Variants in KLF12 observed in about 807,000 individuals in gnomAD.
KLF12 encodes Krueppel-like factor 12.
Under a neutral mutation model 37.8 loss-of-function variants are expected in KLF12, and 9 were observed. The observed-to-expected ratio is 0.24, with a 90% CI of 0.14 to 0.42. KLF12 has a LOEUF of 0.42. KLF12 is among the 10% of genes least tolerant of loss of function. KLF12 has a pLI of 1.00. For synonymous variants in KLF12, 208 were observed against 202.1 expected (o/e 1.03, Z -0.25); for missense variants, 411 against 516.0 (o/e 0.80, Z 1.97).
chr13:73,695,785 A>G (rs1159577934), intron 7 of KLF12, 114 bp from the exon 8 acceptor site: 2 of 1,015,124 alleles, frequency 2.0e-6, no homozygotes, highest in African/African-American at 3.2e-5. Context: ...CCGTTGGTAA[A>G]TCTTTGTCGG....
At chr13:74,013,285 T>C (rs1399029629) in intron 1 of KLF12, among the ~76,000 whole-genome samples, 1 of 152,168 alleles carries the variant, frequency 6.6e-6, no homozygotes, top group East Asian at 1.9e-4. Flanking sequence ...CCCACAGCAC[T>C]TGAATTTACT....
intron 1 of KLF12, among the ~76,000 whole-genome samples, chr13:74,067,995 G>A (rs1373814956): frequency 6.6e-6 from 1 of 152,160 alleles, no homozygotes; most frequent in Non-Finnish European, 1.5e-5. Context: ...TAACCAATGA[G>A]CTCCATTCCC....
At chr13:73,780,086 G>A (rs1880864373) in intron 5 of KLF12, among the ~76,000 whole-genome samples, 1 of 152,162 alleles carries the variant, frequency 6.6e-6, no homozygotes, top group African/African-American at 2.4e-5. Flanking sequence ...GAGAACTAGA[G>A]TTAAAAGTGG....
At chr13:74,036,019 G>C (rs1354921318) in intron 1 of KLF12, among the ~76,000 whole-genome samples, 1 of 152,124 alleles carries the variant, frequency 6.6e-6, no homozygotes, top group East Asian at 1.9e-4. Flanking sequence ...CCGGTCCAGT[G>C]CACTCATTAA....
intron 2 of KLF12, among the ~76,000 whole-genome samples, chr13:73,948,562 A>G (rs1438844219): frequency 6.6e-6 from 1 of 152,218 alleles, no homozygotes; most frequent in Admixed American, 6.5e-5. Context: ...CCAACTGGTT[A>G]AAAGTAACAT....
chr13:73,818,773 T>C (rs1481981026), intron 4 of KLF12, among the ~76,000 whole-genome samples: 3 of 152,344 alleles, frequency 2.0e-5, no homozygotes, highest in East Asian at 3.9e-4. Context: ...GAGAGGGCCA[T>C]ACACAGATGG....
intron 3 of KLF12, among the ~76,000 whole-genome samples, chr13:73,934,550 A>G: frequency 6.6e-6 from 1 of 152,028 alleles, no homozygotes; most frequent in South Asian, 2.1e-4. Context: ...TTCTGCCTGC[A>G]ATTTCTTTCT....
the KLF12 span, among the ~76,000 whole-genome samples, chr13:74,232,998 G>A: frequency 1.3e-5 from 2 of 152,084 alleles, no homozygotes; most frequent in Non-Finnish European, 2.9e-5. Context: ...TGATTCTCTT[G>A]CCTCAGCCTC....
upstream of KLF12, among the ~76,000 whole-genome samples, chr13:74,136,215 C>A (rs1416742779): frequency 2.0e-5 from 3 of 152,168 alleles, no homozygotes; most frequent in Non-Finnish European, 2.9e-5. Flanking sequence ...CGTCGGGAAC[C>A]CAGTGGGACT....
intron 4 of KLF12, among the ~76,000 whole-genome samples, chr13:73,830,096 G>A (rs184606269): frequency 6.6e-6 from 1 of 152,260 alleles, no homozygotes; most frequent in Admixed American, 6.5e-5. Context: ...TTGCAAGGTG[G>A]ATAATGAGAT....
At chr13:74,174,384 G>GT in the KLF12 span, among the ~76,000 whole-genome samples, 1 of 147,008 alleles carries the variant, frequency 6.8e-6, no homozygotes, top group African/African-American at 2.5e-5. Flanking sequence ...CCAGGCTGGA[G>GT]TGCAGTGGCG....
At chr13:74,292,721 A>G in the KLF12 span, among the ~76,000 whole-genome samples, 1 of 152,130 alleles carries the variant, frequency 6.6e-6, no homozygotes, top group Non-Finnish European at 1.5e-5. Flanking sequence ...TCAAATATTA[A>G]CAAGAGAAAT....
chr13:74,098,592 C>A (rs1419060822), intron 1 of KLF12, among the ~76,000 whole-genome samples: 3 of 152,104 alleles, frequency 2.0e-5, no homozygotes, highest in African/African-American at 7.2e-5. Context: ...TACCCTAGAG[C>A]CCTAGAGATA....
the KLF12 span, among the ~76,000 whole-genome samples, chr13:74,279,765 C>T: frequency 8.5e-5 from 13 of 152,062 alleles, no homozygotes; most frequent in Admixed American, 2.6e-4. Flanking sequence ...AAAAAGAGCA[C>T]GGAGTACATA....
chr13:74,036,096 G>A (rs1256112981), intron 1 of KLF12, among the ~76,000 whole-genome samples: 1 of 152,042 alleles, frequency 6.6e-6, no homozygotes, highest in African/African-American at 2.4e-5. Context: ...TATCCGCAAG[G>A]CCTAGCATTC....
intron 2 of KLF12, among the ~76,000 whole-genome samples, chr13:73,990,712 A>AT (rs1357984378): frequency 1.3e-5 from 2 of 152,134 alleles, no homozygotes; most frequent in Non-Finnish European, 2.9e-5. Context: ...GTTTTTTTTA[A>AT]TTAACTGTTA....
chr13:73,859,171 C>G (rs1885775606), intron 3 of KLF12, among the ~76,000 whole-genome samples: 1 of 152,180 alleles, frequency 6.6e-6, no homozygotes, highest in Non-Finnish European at 1.5e-5. Context: ...TGCCAATGCA[C>G]TTCAGTCTTC....
chr13:73,770,597 AC>A (rs1358735084), intron 5 of KLF12, among the ~76,000 whole-genome samples: 2 of 150,888 alleles, frequency 1.3e-5, no homozygotes, highest in African/African-American at 2.4e-5. Context: ...ATCTTGGCTC[AC>A]TGAAACCTCT....
At chr13:73,963,876 T>C (rs1891098486) in intron 2 of KLF12, among the ~76,000 whole-genome samples, 1 of 152,248 alleles carries the variant, frequency 6.6e-6, no homozygotes, top group Non-Finnish European at 1.5e-5. Flanking sequence ...AAAGTCTGAT[T>C]GATTGGTTCA....
Sources: gnomAD v4.1 joint callset for allele counts (sites outside exome capture counted in the v4.1 genomes callset) on GRCh38, gnomAD v4.1.1 for gene constraint, MANE v1.5 for transcripts, NCBI Gene and HGNC (gene_info 2026-07-23, HGNC 2026-07-21) for gene names.